The following RYR2 variants were observed in gnomAD, a reference collection of about 807,000 sequenced individuals.
The protein encoded by RYR2 is ryanodine receptor 2, also known as cardiac muscle ryanodine receptor-calcium release channel.
RYR2 carries 227 observed loss-of-function variants against 601.1 expected under a neutral mutation model. The ratio of observed to expected loss-of-function variants is 0.38; its 90% CI spans 0.34 to 0.42. RYR2 has a LOEUF of 0.42. Ranked by LOEUF, RYR2 falls within the 10% of genes least tolerant of loss-of-function variation. The probability of loss-of-function intolerance (pLI) is 1.00; values close to 1 mark genes in which losing one functional copy is unlikely to be tolerated. For missense variants in RYR2, 4,646 were observed against 6,156.5 expected, an observed-to-expected ratio of 0.75 and a Z score of 8.21; for synonymous variants, 2,223 against 2,175.1, an observed-to-expected ratio of 1.02 and a Z score of -0.61.
chr1:237,647,313 C>T (rs951845809), intron 48 of RYR2, among the ~76,000 whole-genome samples: 3 of 152,146 alleles, frequency 2.0e-5, no homozygotes, highest in Admixed American at 2.0e-4. Context: ...GTCATGATAG[C>T]AGCCTCACAG....
Position 237,500,934 on chromosome 1 carries a change from C to G in RYR2, c.2396+31C>G, listed in dbSNP as rs564350100. 137 of 1,593,804 alleles carry G rather than the reference C, an allele frequency of 8.6e-5. 1 individual carries two copies. The Admixed American group carries it at 2.2e-3, about 26-fold the overall frequency. ...TATGTCTATGTTTTTTGGTCTCTTTCCTTTCTCATTTCTCATACCTCCACA... is the reference window on the plus strand; with the variant it reads ...TATGTCTATGTTTTTTGGTCTCTTTGCTTTCTCATTTCTCATACCTCCACA... On this transcript the variant is annotated intron_variant, in intron 21 of 104. Transcript: ENST00000366574.
At chr1:237,320,489 T>A (rs550711300) in intron 2 of RYR2, among the ~76,000 whole-genome samples, 1 of 152,310 alleles carries the variant, frequency 6.6e-6, no homozygotes, top group African/African-American at 2.4e-5. Context: ...TATAGGTTTA[T>A]CATCTGTAAA....
chr1:237,214,592 C>A (rs1291027846), intron 1 of RYR2, among the ~76,000 whole-genome samples: 1 of 152,310 alleles, frequency 6.6e-6, no homozygotes, highest in Admixed American at 6.5e-5. Flanking sequence ...GTTCCAAACA[C>A]TTCCTACCGG....
chr1:237,732,173 A>T, intron 78 of RYR2, 24 bp downstream of exon 78: 10 of 1,393,192 alleles, frequency 7.2e-6, no homozygotes, highest in African/African-American at 1.4e-5. Context: ...GGTTCCTATG[A>T]GACATAGGAG....
chr1:237,591,013 G>A (rs1406847814), intron 31 of RYR2, 21 bp downstream of exon 31: 2 of 1,588,304 alleles, frequency 1.3e-6, no homozygotes, highest in Non-Finnish European at 1.7e-6. Flanking sequence ...TATACGCTGT[G>A]ATTTTAAATT....
chr1:237,673,413 A>G (rs1343234778), intron 58 of RYR2, among the ~76,000 whole-genome samples: 1 of 152,074 alleles, frequency 6.6e-6, no homozygotes, highest in Non-Finnish European at 1.5e-5. Flanking sequence ...AAATTTACAT[A>G]TTTTCTAGAA....
chr1:237,365,944 A>G (rs1375248907), intron 5 of RYR2, among the ~76,000 whole-genome samples: 1 of 152,262 alleles, frequency 6.6e-6, no homozygotes, highest in Non-Finnish European at 1.5e-5. Flanking sequence ...CTTCGAGGCC[A>G]GAAGGCCAAT....
chr1:237,122,800 T>G (rs1670952543), intron 1 of RYR2, among the ~76,000 whole-genome samples: 1 of 152,212 alleles, frequency 6.6e-6, no homozygotes, highest in Non-Finnish European at 1.5e-5. Context: ...GGTACTACTT[T>G]TTGTGATGGC....
chr1:237,679,501 G>A (rs985263368), intron 61 of RYR2, among the ~76,000 whole-genome samples: 2 of 152,118 alleles, frequency 1.3e-5, no homozygotes, highest in Non-Finnish European at 2.9e-5. Context: ...TGGTAGTGCC[G>A]ATCTTGTTCT....
chr1:237,404,466 T>C (rs770928692), intron 10 of RYR2, among the ~76,000 whole-genome samples: 33 of 152,080 alleles, frequency 2.2e-4, no homozygotes, highest in Non-Finnish European at 4.3e-4. Flanking sequence ...GGAGAAACCA[T>C]AAAAATATAA....
At chr1:237,496,067 T>C (rs1664038152) in intron 19 of RYR2, among the ~76,000 whole-genome samples, 1 of 152,180 alleles carries the variant, frequency 6.6e-6, no homozygotes, top group Admixed American at 6.6e-5. Context: ...AGGAAATATA[T>C]ATTTAATATG....
rs71561856 is a variant in RYR2 at position 237,082,524 on chromosome 1, CATATATAT to C, written c.48+39981_48+39988del. 8.8e-3 allele frequency among the ~76,000 whole-genome samples: 707 copies of C among 79,996 alleles called. 13 individuals carry two copies. Among genetic ancestry groups the C allele is most frequent in the African/African-American group, 0.02 (559 of 28,520 alleles). The allele number at this position is 79,996 out of a possible 152,430, so 52.5% of individuals were successfully genotyped here. The stretch of plus-strand genomic sequence containing the variant: ...TGTTATATTCTTTCAAATAGGAAAA[CATATATAT>C]ATATATATATATATATATATATATA... On this transcript the variant is annotated intron_variant, in intron 1 of 104. Transcript: ENST00000366574.
At chr1:237,082,149 G>A (rs1001260487) in intron 1 of RYR2, among the ~76,000 whole-genome samples, 2 of 152,146 alleles carry the variant, frequency 1.3e-5, no homozygotes, top group East Asian at 3.9e-4. Flanking sequence ...ATCATGTACT[G>A]TGGGACAGGT....
rs142513578 is a variant in RYR2, at chr1:237,371,660, C to T, written c.384+2052C>T. Among the ~76,000 whole-genome samples, 649 of 152,286 alleles carry T rather than the reference C, an allele frequency of 4.3e-3. 6 individuals carry two copies. The highest frequency in any genetic ancestry group is 0.015 in the African/African-American group (625 of 41,546). On this transcript the variant is annotated intron_variant, in intron 6 of 104. Transcript: ENST00000366574. Reference sequence around the variant, plus strand: ...AGCAGAAGACTACGTATCAATAACACTATCCAACTGGATTAAGAAAATGTG... The same window carrying T: ...AGCAGAAGACTACGTATCAATAACATTATCCAACTGGATTAAGAAAATGTG...
Position 237,674,148 on chromosome 1 carries a change from G to A in RYR2, c.8643G>A (p.Glu2881=), listed in dbSNP as rs749903392. Residue 2881 remains glutamate, a synonymous_variant, in exon 59 of 105, where the codon GAG becomes GAA. Transcript: ENST00000366574. ...CCTATGATACACTGACAGCCAAAGA[G>A]AAAGCCAAGGATAGAGAAAAAGCAC... ...LVPYDTLTAK[E]KAKDREKAQD... 6 of 1,612,472 alleles carry A rather than the reference G, an allele frequency of 3.7e-6. No homozygotes were observed. Among genetic ancestry groups the A allele is most frequent in the East Asian group, 2.2e-5 (1 of 44,842 alleles).
At chr1:237,185,648 ATAACCTCCTGG>A (rs1366033956) in intron 1 of RYR2, among the ~76,000 whole-genome samples, 8 of 152,240 alleles carry the variant, frequency 5.3e-5, no homozygotes, top group African/African-American at 1.9e-4. Context: ...TCCCTTCCTC[ATAACCTCCTGG>A]TCTGGTTGGG....
At chr1:237,642,868 A>G (rs935451248) in intron 47 of RYR2, among the ~76,000 whole-genome samples, 1 of 152,250 alleles carries the variant, frequency 6.6e-6, no homozygotes, top group Non-Finnish European at 1.5e-5. Context: ...ACAGATGGAT[A>G]TGCAATTCAT....
intron 71 of RYR2, among the ~76,000 whole-genome samples, chr1:237,713,788 G>C (rs1352856612): frequency 6.6e-6 from 1 of 152,046 alleles, no homozygotes; most frequent in African/African-American, 2.4e-5. Flanking sequence ...GTGTGAGAAA[G>C]GTGGGTTTTG....
chr1:237,339,714 T>C (rs1187136124), intron 3 of RYR2, among the ~76,000 whole-genome samples: 1 of 152,200 alleles, frequency 6.6e-6, no homozygotes, highest in Non-Finnish European at 1.5e-5. Context: ...CTCTTTGCCC[T>C]GTTCTGTGTT....
Sources: gnomAD v4.1 joint callset for allele counts (sites outside exome capture counted in the v4.1 genomes callset) on GRCh38, gnomAD v4.1.1 for gene constraint, MANE v1.5 for transcripts, NCBI Gene and HGNC (gene_info 2026-07-23, HGNC 2026-07-21) for gene names.